Variants in STON1 observed in about 807,000 individuals in gnomAD.
STON1 encodes the protein stonin 1.
STON1 carries 79 observed loss-of-function variants against 60.9 expected under a neutral mutation model. That is an observed-to-expected ratio of 1.30 (90% CI 1.08 to 1.56). The LOEUF (loss-of-function observed/expected upper bound fraction) is 1.56. Among genes scored for constraint, STON1 ranks in the 40% most tolerant of loss-of-function variants. The pLI, the probability that STON1 is intolerant of heterozygous loss-of-function variation, is 0.00. For missense variants in STON1, 1,166 were observed against 858.9 expected (o/e 1.36, Z -4.47); for synonymous variants, 363 against 306.9 (o/e 1.18, Z -1.91).
chr2:48,579,716 T>C (rs957298879), intron 1 of STON1, among the ~76,000 whole-genome samples: 1 of 152,170 alleles, frequency 6.6e-6, no homozygotes, highest in Non-Finnish European at 1.5e-5. Context: ...GTTCTGTATA[T>C]GTATGGCAGT....
chr2:48,561,696 C>T (rs1672620421), intron 1 of STON1, among the ~76,000 whole-genome samples: 1 of 152,188 alleles, frequency 6.6e-6, no homozygotes, highest in South Asian at 2.1e-4. Context: ...TGAAAAATGT[C>T]TCCGGACACT....
At chr2:48,570,859 TTTTTTTTTTTTTG>T in intron 1 of STON1, among the ~76,000 whole-genome samples, 1 of 141,138 alleles carries the variant, frequency 7.1e-6, no homozygotes. Flanking sequence ...TTTTTTTTTT[TTTTTTTTTTTTTG>T]TCTTTCCCCA....
At chr2:48,546,734 A>C (rs886669652) in intron 1 of STON1, among the ~76,000 whole-genome samples, 3 of 152,176 alleles carry the variant, frequency 2.0e-5, no homozygotes, top group African/African-American at 7.2e-5. Context: ...TGCATGGAAG[A>C]ATTATTATTT....
chr2:48,560,382 C>T (rs1002175951), intron 1 of STON1, among the ~76,000 whole-genome samples: 1 of 152,222 alleles, frequency 6.6e-6, no homozygotes, highest in African/African-American at 2.4e-5. Context: ...GGGTCCTGCA[C>T]CCCAGCCCAA....
chr2:48,570,469 T>A (rs1291687629), intron 1 of STON1, among the ~76,000 whole-genome samples: 1 of 152,210 alleles, frequency 6.6e-6, no homozygotes, highest in Non-Finnish European at 1.5e-5. Context: ...CTTAAAATGG[T>A]AGGGACAATT....
In STON1 at chr2:48,580,828, C is replaced by A. The variant is rs1290578055; in HGVS notation, c.195C>A (p.Pro65=). The change falls in exon 2 of 4, where the codon CCC becomes CCA. Residue 65 remains proline (P), a synonymous_variant. Coordinates refer to ENST00000404752, the MANE Select transcript of STON1 (RefSeq NM_006873.4). ...CCAGCAGCACTCCTCTCTCCTCCCCCATTGTAGATTTTTATTTCAGTCCAG... is the reference window on the plus strand; with the variant it reads ...CCAGCAGCACTCCTCTCTCCTCCCCAATTGTAGATTTTTATTTCAGTCCAG... ...SSTSSTPLSS[P]IVDFYFSPGP... 2.2e-5 allele frequency: 34 copies of A among 1,547,844 alleles called. No individual in the cohort carries two copies. Among genetic ancestry groups the A allele is most frequent in the Admixed American group, 8.2e-5 (4 of 48,904 alleles).
At chr2:48,564,228 T>C (rs1272264270) in intron 1 of STON1, among the ~76,000 whole-genome samples, 1 of 152,160 alleles carries the variant, frequency 6.6e-6, no homozygotes, top group African/African-American at 2.4e-5. Context: ...CAAAATACCA[T>C]AGACCAGGTG....
intron 1 of STON1, among the ~76,000 whole-genome samples, chr2:48,540,032 C>T (rs571773458): frequency 2.0e-5 from 3 of 152,222 alleles, no homozygotes; most frequent in Admixed American, 2.0e-4. Flanking sequence ...AGCCCCAGCT[C>T]GCAGGTATTT....
intron 2 of STON1, among the ~76,000 whole-genome samples, chr2:48,585,688 G>A (rs536534860): frequency 1.3e-5 from 2 of 152,310 alleles, no homozygotes; most frequent in African/African-American, 4.8e-5. Flanking sequence ...TTAGGTTAGA[G>A]GGTTTAAACA....
Position 48,582,105 on chromosome 2 carries a change from T to C in STON1, c.1472T>C (p.Val491Ala). 1 of 1,614,220 alleles carries C rather than the reference T, an allele frequency of 6.2e-7. No individual in the cohort carries two copies. Among genetic ancestry groups the C allele is most frequent in the Non-Finnish European group, 8.5e-7 (1 of 1,180,042 alleles). ...CTTGACTACCATTTTCATAAGTGTGTGAATGTACAAGAATTTGAGCAATCA... is the reference window on the plus strand; with the variant it reads ...CTTGACTACCATTTTCATAAGTGTGCGAATGTACAAGAATTTGAGCAATCA... ...DILDYHFHKC[V>A]NVQEFEQSRI... The change falls in exon 2 of 4, where the codon GTG becomes GCG. Residue 491 changes from valine (V) to alanine (A), a missense_variant. Val to Ala is a moderately conservative substitution (Grantham distance 64). Coordinates refer to ENST00000404752, the MANE Select transcript of STON1 (RefSeq NM_006873.4).
At chr2:48,540,692 C>T (rs1450162932) in intron 1 of STON1, among the ~76,000 whole-genome samples, 1 of 152,212 alleles carries the variant, frequency 6.6e-6, no homozygotes, top group Non-Finnish European at 1.5e-5. Flanking sequence ...CCAAAGACGG[C>T]GCTCTTGAGC....
intron 1 of STON1, among the ~76,000 whole-genome samples, chr2:48,537,345 T>G (rs1261289152): frequency 1.3e-5 from 2 of 152,252 alleles, no homozygotes; most frequent in African/African-American, 4.8e-5. Flanking sequence ...ATATTTTACT[T>G]AATGCTTTAA....
chr2:48,582,341 A>G lies in STON1; in HGVS notation c.1708A>G (p.Ile570Val). The G allele has an allele frequency of 6.2e-7, 1 of 1,614,162 alleles. No individual in the cohort carries two copies. Among genetic ancestry groups the G allele is most frequent in the Middle Eastern group, 1.6e-4 (1 of 6,062 alleles). ...CTTAAGGTCCTGTGACAATATAAGG[A>G]TACACTTTCCTGTCCCATCGCAGTG... is the stretch of plus-strand genomic sequence containing the variant. ...GSLRSCDNIRIHFPVPSQWIK... is the reference protein window; with the variant it reads ...GSLRSCDNIRVHFPVPSQWIK... Residue 570 changes from isoleucine (I) to valine (V), a missense_variant, in exon 2 of 4, where the codon ATA (isoleucine) becomes GTA (valine). By Grantham distance (29) the Ile-to-Val change is conservative. Transcript: ENST00000404752.
intron 1 of STON1, among the ~76,000 whole-genome samples, chr2:48,532,291 G>A (rs1245331737): frequency 4.6e-5 from 7 of 151,976 alleles, no homozygotes; most frequent in South Asian, 2.1e-4. Flanking sequence ...GGAGGTTGCA[G>A]TGAGCCGAGA....
In STON1 at chr2:48,541,663, C is replaced by T. The variant is rs542580066; in HGVS notation, c.-48+11447C>T. Among the ~76,000 whole-genome samples, 64 of 132,660 alleles carry T rather than the reference C, an allele frequency of 4.8e-4. 1 individual carries two copies. In the South Asian group the frequency reaches 0.014, roughly 30 times the overall value. 87.0% of individuals were successfully genotyped at this position (132,660 alleles called of 152,430 possible). Reference sequence around the variant, plus strand: ...ATAGTGAGCCGAGATTGCACCATTGCACTCCATCCTGGGTGACAAGAGTGA... The same window carrying T: ...ATAGTGAGCCGAGATTGCACCATTGTACTCCATCCTGGGTGACAAGAGTGA... On this transcript the variant is annotated intron_variant, in intron 1 of 3. Coordinates refer to ENST00000404752, the MANE Select transcript of STON1 (RefSeq NM_006873.4).
intron 3 of STON1, among the ~76,000 whole-genome samples, chr2:48,593,630 G>A (rs1344969302): frequency 1.3e-5 from 2 of 152,014 alleles, no homozygotes; most frequent in Non-Finnish European, 2.9e-5. Context: ...CTCTCAAATA[G>A]CATTTTAAAA....
At chr2:48,564,804 C>T (rs1215932646) in intron 1 of STON1, among the ~76,000 whole-genome samples, 5 of 141,570 alleles carry the variant, frequency 3.5e-5, no homozygotes, top group Admixed American at 2.2e-4. Context: ...ACGATCTTGG[C>T]TCACTGCAAC....
chr2:48,546,081 C>T (rs527246036), intron 1 of STON1, among the ~76,000 whole-genome samples: 3 of 152,350 alleles, frequency 2.0e-5, no homozygotes, highest in Admixed American at 6.5e-5. Context: ...CATGTCTTAC[C>T]TGAGTTCCTG....
At position 48,581,930 on chromosome 2, in the gene STON1, T is replaced by C. The variant is rs1673911385; in HGVS notation, c.1297T>C (p.Phe433Leu). The C allele has an allele frequency of 1.2e-6, 2 of 1,613,952 alleles. No individual in the cohort carries two copies. The highest frequency in any genetic ancestry group is 1.7e-6 in the Non-Finnish European group (2 of 1,179,994). Reference sequence around the variant, plus strand: ...GGGTAAAGTCACAAAAGAAGGAAAATTTGTTGAAAGTGCTGTGATAACTCA... The same window carrying C: ...GGGTAAAGTCACAAAAGAAGGAAAACTTGTTGAAAGTGCTGTGATAACTCA... Reference protein sequence around the residue: ...FWGKVTKEGKFVESAVITQIY... With the variant: ...FWGKVTKEGKLVESAVITQIY... Residue 433 changes from phenylalanine (F) to leucine (L), a missense_variant, in exon 2 of 4, where the codon TTT (phenylalanine) becomes CTT (leucine). By Grantham distance (22) the Phe-to-Leu change is conservative. Coordinates refer to ENST00000404752, the MANE Select transcript of STON1 (RefSeq NM_006873.4).
Sources: allele counts gnomAD v4.1 joint callset (sites outside exome capture counted in the v4.1 genomes callset), GRCh38; gene constraint gnomAD v4.1.1; transcripts MANE v1.5; gene names NCBI Gene and HGNC (gene_info 2026-07-23, HGNC 2026-07-21).